Variants in FRMD5 observed in about 807,000 individuals in gnomAD.
FRMD5 encodes the protein FERM domain containing 5.
In FRMD5, 20 loss-of-function variants were observed where a neutral mutation model predicts 69.0. The ratio of observed to expected loss-of-function variants is 0.29; its 90% CI spans 0.20 to 0.42. The LOEUF (loss-of-function observed/expected upper bound fraction) is 0.42, where lower values mean the gene tolerates loss of function less well. FRMD5 is among the 10% of genes least tolerant of loss of function. The probability of loss-of-function intolerance (pLI) is 1.00; values close to 1 mark genes in which losing one functional copy is unlikely to be tolerated. For synonymous variants in FRMD5, 271 were observed against 260.1 expected, an observed-to-expected ratio of 1.04 and a Z score of -0.40; for missense variants, 595 against 708.6, an observed-to-expected ratio of 0.84 and a Z score of 1.82.
chr15:44,191,363 G>A (rs1197246430), intron 1 of FRMD5, among the ~76,000 whole-genome samples: 2 of 152,014 alleles, frequency 1.3e-5, no homozygotes, highest in African/African-American at 2.4e-5. Flanking sequence ...CGAGGCGGGT[G>A]GATCACGAGG....
At chr15:43,940,904 T>A (rs917097785) in intron 1 of FRMD5, among the ~76,000 whole-genome samples, 37 of 152,226 alleles carry the variant, frequency 2.4e-4, no homozygotes, top group African/African-American at 8.9e-4. Flanking sequence ...TTTTCAGGGC[T>A]CTGACTACTG....
At chr15:44,079,627 T>G (rs1016622706) in intron 1 of FRMD5, among the ~76,000 whole-genome samples, 4 of 152,130 alleles carry the variant, frequency 2.6e-5, no homozygotes, top group Admixed American at 6.6e-5. Flanking sequence ...CCAAAAGAAC[T>G]GAAAGCAGGG....
At chr15:44,154,842 CA>C in intron 1 of FRMD5, among the ~76,000 whole-genome samples, 1 of 152,132 alleles carries the variant, frequency 6.6e-6, no homozygotes, top group African/African-American at 2.4e-5. Flanking sequence ...AAAAATTCTC[CA>C]AAAATTGTGG....
In FRMD5 at chr15:43,885,742, T is replaced by G. The variant is rs1004186250; in HGVS notation, c.898A>C (p.Ser300Arg). ...CTGCTGGACACTGTGCGGACTTGGC[T>G]TGACTTCTCCAGCCTGTAGCAAGGC... ...NQAFYKLEKS[S>R]QVRTVSSSNL... is the part of the protein sequence containing the mutation. Residue 300 changes from serine (S) to arginine (R), a missense_variant, in exon 11 of 14, where the codon AGC (serine) becomes CGC (arginine). This residue lies in a region of FRMD5 where 176 missense variants were observed against 266.3 expected (regional missense o/e 0.66). Transcript: ENST00000417257. The G allele has an allele frequency of 6.2e-7, 1 of 1,614,208 alleles. No individual in the cohort carries two copies. Among genetic ancestry groups the G allele is most frequent in the Non-Finnish European group, 8.5e-7 (1 of 1,180,002 alleles).
chr15:43,981,642 C>G (rs1354032101), intron 1 of FRMD5, among the ~76,000 whole-genome samples: 2 of 152,164 alleles, frequency 1.3e-5, no homozygotes, highest in African/African-American at 2.4e-5. Context: ...TTTCAGTGCC[C>G]ATATCATAGA....
At chr15:44,088,019 G>A (rs899256836) in intron 1 of FRMD5, among the ~76,000 whole-genome samples, 11 of 152,074 alleles carry the variant, frequency 7.2e-5, no homozygotes, top group Non-Finnish European at 1.2e-4. Flanking sequence ...TCAGCATTTC[G>A]TGAACATCTA....
intron 1 of FRMD5, among the ~76,000 whole-genome samples, chr15:43,935,315 A>G (rs2089741102): frequency 6.6e-6 from 1 of 152,110 alleles, no homozygotes; most frequent in African/African-American, 2.4e-5. Context: ...CCCCATCTCT[A>G]CTAAAAATAC....
chr15:43,967,070 T>C (rs2090305924), intron 1 of FRMD5, among the ~76,000 whole-genome samples: 1 of 152,170 alleles, frequency 6.6e-6, no homozygotes, highest in Admixed American at 6.5e-5. Context: ...TTTAATTAAA[T>C]GTAAATTTGG....
intron 1 of FRMD5, among the ~76,000 whole-genome samples, chr15:43,944,510 C>T (rs1349113460): frequency 6.6e-6 from 1 of 152,160 alleles, no homozygotes; most frequent in Non-Finnish European, 1.5e-5. Flanking sequence ...CAACCTCCAC[C>T]TCCCGAACTC....
At chr15:44,067,449 A>G (rs1893357891) in intron 1 of FRMD5, among the ~76,000 whole-genome samples, 1 of 152,364 alleles carries the variant, frequency 6.6e-6, no homozygotes, top group South Asian at 2.1e-4. Flanking sequence ...ATAACAAAAT[A>G]CCATAGACTG....
Position 43,993,497 on chromosome 15 carries a change from T to C in FRMD5, c.103-69188A>G, listed in dbSNP as rs113875340. On this transcript the variant is annotated intron_variant, in intron 1 of 13. Transcript: ENST00000417257. Reference sequence around the variant, plus strand: ...CGTGAGCCACTGCATCTGGCCCTAATATATTATTTACCCTGGAGAATGTTC... The same window carrying C: ...CGTGAGCCACTGCATCTGGCCCTAACATATTATTTACCCTGGAGAATGTTC... Among the ~76,000 whole-genome samples, 1,089 of 152,300 alleles carry C rather than the reference T, an allele frequency of 7.2e-3. 18 individuals carry two copies. The highest frequency in any genetic ancestry group is 0.025 in the African/African-American group (1,039 of 41,562).
At chr15:43,913,416 G>A (rs2089325690) in intron 4 of FRMD5, among the ~76,000 whole-genome samples, 1 of 152,238 alleles carries the variant, frequency 6.6e-6, no homozygotes, top group Non-Finnish European at 1.5e-5. Context: ...TCAAGAGAGA[G>A]AATGAGCTGC....
chr15:43,979,667 G>T (rs1342321870), intron 1 of FRMD5, among the ~76,000 whole-genome samples: 1 of 152,150 alleles, frequency 6.6e-6, no homozygotes, highest in Non-Finnish European at 1.5e-5. Flanking sequence ...TTTCTCTCCA[G>T]TTCAAAAGTC....
chr15:44,149,119 T>C (rs1009239376), intron 1 of FRMD5, among the ~76,000 whole-genome samples: 2 of 152,162 alleles, frequency 1.3e-5, no homozygotes, highest in Admixed American at 6.5e-5. Flanking sequence ...AATTTTGTTA[T>C]ATCAACAACC....
At chr15:44,075,420 G>A (rs1893716955) in intron 1 of FRMD5, among the ~76,000 whole-genome samples, 1 of 152,008 alleles carries the variant, frequency 6.6e-6, no homozygotes, top group South Asian at 2.1e-4. Flanking sequence ...TTAAGGAGAT[G>A]TAAGTTTATT....
chr15:43,902,397 T>TA, intron 6 of FRMD5, 135 bp from the exon 7 acceptor site: 1 of 706,890 alleles, frequency 1.4e-6, no homozygotes, highest in South Asian at 1.7e-5. Context: ...TGCTTGGTTC[T>TA]AGGACCAACT....
At chr15:43,944,977 G>A (rs1331432805) in intron 1 of FRMD5, among the ~76,000 whole-genome samples, 2 of 149,516 alleles carry the variant, frequency 1.3e-5, no homozygotes, top group African/African-American at 2.5e-5. Flanking sequence ...TTTGATAGAG[G>A]GGGGGTTTCA....
chr15:43,899,233 GC>G (rs976141268), intron 7 of FRMD5, among the ~76,000 whole-genome samples: 14 of 152,196 alleles, frequency 9.2e-5, no homozygotes, highest in Admixed American at 2.0e-4. Flanking sequence ...AAGAGTAAAG[GC>G]CCCTAAACTG....
intron 1 of FRMD5, among the ~76,000 whole-genome samples, chr15:43,931,480 G>A (rs551290169): frequency 2.0e-5 from 3 of 151,852 alleles, no homozygotes; most frequent in African/African-American, 4.8e-5. Context: ...CTCATACAAC[G>A]CTGCTTCAAA....
Sources: allele counts gnomAD v4.1 joint callset (sites outside exome capture counted in the v4.1 genomes callset), GRCh38; gene constraint gnomAD v4.1.1; regional missense constraint gnomAD v4.1.1; transcripts MANE v1.5; gene names NCBI Gene and HGNC (gene_info 2026-07-23, HGNC 2026-07-21).